The following ZSCAN5C variants were observed in gnomAD, a reference collection of about 807,000 sequenced individuals.
ZSCAN5C encodes the protein zinc finger and SCAN domain containing 5C, also known as zinc finger and SCAN domain-containing protein 5C.
Under a neutral mutation model 17.3 loss-of-function variants are expected in ZSCAN5C, and 11 were observed. That is an observed-to-expected ratio of 0.64 (90% CI 0.40 to 1.06). The LOEUF is 1.06. Ranked by LOEUF, ZSCAN5C falls within the 50% of genes least tolerant of loss-of-function variation. The pLI, the probability that ZSCAN5C is intolerant of heterozygous loss-of-function variation, is 0.00. For missense variants in ZSCAN5C, 698 were observed against 538.9 expected (o/e 1.30, Z -2.92); for synonymous variants, 229 against 208.4 (o/e 1.10, Z -0.85).
intron 1 of ZSCAN5C, among the ~76,000 whole-genome samples, chr19:56,204,572 A>T (rs1179419090): frequency 6.6e-6 from 1 of 151,396 alleles, no homozygotes; most frequent in Non-Finnish European, 1.5e-5. Context: ...GCTCTGGAGG[A>T]GTTTGAGTTG....
At chr19:56,207,710 AG>A (rs1568591294) in intron 3 of ZSCAN5C, among the ~76,000 whole-genome samples, 1 of 151,580 alleles carries the variant, frequency 6.6e-6, no homozygotes, top group Non-Finnish European at 1.5e-5. Flanking sequence ...TTGTCATTGT[AG>A]GGGGTGGTGG....
chr19:56,208,219 C>A, intron 4 of ZSCAN5C, 35 bp downstream of exon 4: 1 of 753,556 alleles, frequency 1.3e-6, no homozygotes, highest in South Asian at 1.4e-5. Context: ...GTGGAGATAG[C>A]CCCTCTCTTC....
At chr19:56,206,413 G>A in intron 2 of ZSCAN5C, 116 bp downstream of exon 2, 2 of 1,421,276 alleles carry the variant, frequency 1.4e-6, no homozygotes, top group Non-Finnish European at 1.9e-6. Flanking sequence ...TCCAAGTAGA[G>A]GAGAGTTTGC....
At chr19:56,206,350 G>C (rs2032921428) in intron 2 of ZSCAN5C, 53 bp downstream of exon 2, 3 of 1,412,134 alleles carry the variant, frequency 2.1e-6, no homozygotes, top group Non-Finnish European at 2.9e-6. Context: ...GATGGGGGCT[G>C]CATGGTGCAG....
chr19:56,208,853 A>G, exon 5 of ZSCAN5C: 1 of 1,567,346 alleles, frequency 6.4e-7, no homozygotes, highest in Non-Finnish European at 8.8e-7. Context: ...CACAGGCGAG[A>G]GACTCTTTCA....
At chr19:56,205,682 C>T (rs960557553) in intron 1 of ZSCAN5C, 105 bp from the exon 2 acceptor site, 1 of 513,830 alleles carries the variant, frequency 1.9e-6, no homozygotes, top group African/African-American at 1.9e-5. Context: ...GTGCTGAGTC[C>T]AATGCTAGAG....
chr19:56,207,914 C>A, intron 3 of ZSCAN5C, 120 bp from the exon 4 acceptor site: 1 of 611,188 alleles, frequency 1.6e-6, no homozygotes, highest in Middle Eastern at 4.3e-4. Context: ...GAGAACCAAA[C>A]AGTGAAAACC....
Position 56,202,886 on chromosome 19 carries a change from C to T in ZSCAN5C, c.-128+564C>T, listed in dbSNP as rs563326987. Among the ~76,000 whole-genome samples the T allele has an allele frequency of 2.6e-5, 4 of 152,128 alleles. 1 individual carries two copies. Among genetic ancestry groups the T allele is most frequent in the Middle Eastern group, 3.4e-3 (1 of 294 alleles). On this transcript the variant is annotated intron_variant, in intron 1 of 4. Transcript: ENST00000534327. ...ACTTGTTAAAAAGCATCGCTGGATT[C>T]TCCCTTTCCACAGGGTAAAATCAGC...
intron 1 of ZSCAN5C, among the ~76,000 whole-genome samples, chr19:56,202,910 G>A (rs1351320201): frequency 6.6e-6 from 1 of 151,924 alleles, no homozygotes; most frequent in African/African-American, 2.4e-5. Context: ...GGTAAAATCA[G>A]CCATTGATGA....
downstream of ZSCAN5C, chr19:56,209,310 G>A: frequency 3.6e-6 from 2 of 556,298 alleles, no homozygotes; most frequent in South Asian, 5.4e-5. Context: ...GCAGAGGAGT[G>A]CCCTAGATAG....
In ZSCAN5C at chr19:56,208,491, G is replaced by T. The variant is rs566350079; in HGVS notation, c.782G>T (p.Arg261Ile). 1.1e-5 allele frequency: 16 copies of T among 1,521,632 alleles called. No individual in the cohort carries two copies. The African/African-American group carries it at 2.1e-4, about 20-fold the overall frequency. 94.3% of individuals were successfully genotyped at this position (1,521,632 alleles called of 1,614,324 possible). ...AAGGAGGGGAAGGAACCCCAAAAAA[G>T]AGCCTCTGTGGAAAATGTGGATGCT... is the stretch of plus-strand genomic sequence containing the variant. The change falls in exon 5 of 5, where the codon AGA becomes ATA. Residue 261 changes from arginine (R) to isoleucine (I), a missense_variant. Around this residue, in one of 3 missense-constraint regions of ZSCAN5C, gnomAD observed 554 missense variants for 390.5 expected, o/e 1.42. Transcript: ENST00000534327.
exon 5 of ZSCAN5C, chr19:56,208,635 A>G (rs1172867362): frequency 1.2e-6 from 2 of 1,610,664 alleles, no homozygotes; most frequent in Admixed American, 3.3e-5. Context: ...TCCATTTCCC[A>G]AGAAGAGCCT....
chr19:56,207,561 T>C (rs1311070833), intron 3 of ZSCAN5C, among the ~76,000 whole-genome samples: 2 of 151,758 alleles, frequency 1.3e-5, no homozygotes, highest in East Asian at 3.8e-4. Flanking sequence ...CCCATCCAGT[T>C]TCCTCAAAGA....
At chr19:56,205,485 G>A (rs760783530) in intron 1 of ZSCAN5C, among the ~76,000 whole-genome samples, 1 of 151,878 alleles carries the variant, frequency 6.6e-6, no homozygotes, top group African/African-American at 2.4e-5. Flanking sequence ...GATTTTAGGC[G>A]CTTCACATTC....
exon 5 of ZSCAN5C, chr19:56,208,781 T>G (rs766556057): frequency 6.3e-7 from 1 of 1,590,944 alleles, no homozygotes; most frequent in Non-Finnish European, 8.6e-7. Flanking sequence ...GCCCTTTGCA[T>G]GTGAGGTGTG....
rs746194868 is a variant in ZSCAN5C, at chr19:56,207,167, C to A, written c.493C>A (p.Arg165=). The A allele has an allele frequency of 1.0e-5, 8 of 777,966 alleles. 1 individual carries two copies. In the South Asian group the frequency reaches 1.1e-4, roughly 11 times the overall value. The allele number at this position is 777,966 out of a possible 1,614,324, so 48.2% of individuals were successfully genotyped here. A position where few individuals can be genotyped will look rare whatever the true frequency, so the allele number is the denominator to read the frequency against. The change falls in exon 3 of 5, where the codon CGG becomes AGG. Residue 165 remains arginine, a synonymous_variant. Transcript: ENST00000534327. ...TGATCCGAGACACGTGTCCAGCCAGCGGACCTCCTCTGTGAACCAGATGTG... is the reference window on the plus strand; with the variant it reads ...TGATCCGAGACACGTGTCCAGCCAGAGGACCTCCTCTGTGAACCAGATGTG...
intron 2 of ZSCAN5C, 83 bp downstream of exon 2, chr19:56,206,380 A>AGG: frequency 7.0e-7 from 1 of 1,437,962 alleles, no homozygotes; most frequent in Non-Finnish European, 9.3e-7. Flanking sequence ...AGAGGACCCG[A>AGG]GGGGCTGCTC....
chr19:56,208,564 C>T (rs538025264), exon 5 of ZSCAN5C: 23 of 1,591,386 alleles, frequency 1.4e-5, no homozygotes, highest in South Asian at 1.2e-4. Context: ...CGACTCACAG[C>T]GGGAGCAGAG....
chr19:56,207,308 A>T (rs2032934304), intron 3 of ZSCAN5C, 46 bp downstream of exon 3: 1 of 727,292 alleles, frequency 1.4e-6, no homozygotes, highest in Non-Finnish European at 2.6e-6. Context: ...GGGAGAAGGA[A>T]CGGGAGGAAA....
Sources: gnomAD v4.1 joint callset for allele counts (sites outside exome capture counted in the v4.1 genomes callset) on GRCh38, gnomAD v4.1.1 for gene constraint, gnomAD v4.1.1 regional missense constraint, MANE v1.5 for transcripts, NCBI Gene and HGNC (gene_info 2026-07-23, HGNC 2026-07-21) for gene names.